The following ASTN1 variants were observed in gnomAD, a reference collection of about 807,000 sequenced individuals.
ASTN1 encodes the protein astrotactin 1.
ASTN1 carries 41 observed loss-of-function variants against 140.7 expected under a neutral mutation model. The ratio of observed to expected loss-of-function variants is 0.29; its 90% CI spans 0.23 to 0.38. The LOEUF (loss-of-function observed/expected upper bound fraction) is 0.38. ASTN1 is among the 10% of genes least tolerant of loss of function. ASTN1 has a pLI of 1.00. For missense variants in ASTN1, 1,479 were observed against 1,678.8 expected (o/e 0.88, Z 2.08); for synonymous variants, 640 against 652.2 (o/e 0.98, Z 0.29).
Position 177,003,342 on chromosome 1 carries a change from C to A in ASTN1, c.1523+11449G>T, listed in dbSNP as rs563424704. 8.0e-5 allele frequency among the ~76,000 whole-genome samples: 12 copies of A among 150,564 alleles called. No homozygotes were observed. In the South Asian group the frequency reaches 8.4e-4, roughly 11 times the overall value. ...GGATGCAGAAATTGTTCAACATATG[C>A]AAGTCAATAAATGTGATTCATCCCA... On this transcript the variant is annotated intron_variant, in intron 8 of 22. Transcript: ENST00000361833.
chr1:177,133,111 C>T (rs945070828), intron 1 of ASTN1, among the ~76,000 whole-genome samples: 1 of 152,224 alleles, frequency 6.6e-6, no homozygotes, highest in Non-Finnish European at 1.5e-5. Context: ...GCTTTTATCA[C>T]ATGTATCACC....
At chr1:177,123,710 T>C (rs1234679782) in intron 1 of ASTN1, among the ~76,000 whole-genome samples, 1 of 152,138 alleles carries the variant, frequency 6.6e-6, no homozygotes, top group Non-Finnish European at 1.5e-5. Flanking sequence ...AGACTTTCTC[T>C]ACAGACAGCA....
chr1:177,059,750 T>C (rs1214813893), intron 2 of ASTN1, among the ~76,000 whole-genome samples: 1 of 152,208 alleles, frequency 6.6e-6, no homozygotes, highest in Non-Finnish European at 1.5e-5. Context: ...ATGTCTAAAA[T>C]GCACTCAGTT....
rs1165947619 is a variant in ASTN1 at position 176,879,485 on chromosome 1, T to G, written c.3363-2848A>C. Among the ~76,000 whole-genome samples, 3 of 152,170 alleles carry G rather than the reference T, an allele frequency of 2.0e-5. No individual in the cohort carries two copies. The East Asian group carries it at 5.8e-4, about 29-fold the overall frequency. The stretch of plus-strand genomic sequence containing the variant: ...CATTCCTTAACCCTGGACCCTTAAT[T>G]TCTAAGTGTCCTTGGACTATAATGA... On this transcript the variant is annotated intron_variant, in intron 20 of 22. Transcript: ENST00000361833.
chr1:176,881,397 C>A (rs1571450725), intron 20 of ASTN1, among the ~76,000 whole-genome samples: 1 of 152,162 alleles, frequency 6.6e-6, no homozygotes, highest in South Asian at 2.1e-4. Context: ...GTAATGGCTG[C>A]ACTCCTAATA....
At chr1:176,868,342 C>G (rs1026897237) in intron 22 of ASTN1, among the ~76,000 whole-genome samples, 1 of 152,184 alleles carries the variant, frequency 6.6e-6, no homozygotes, top group African/African-American at 2.4e-5. Context: ...TTAGCACACA[C>G]TATGCGACCC....
intron 8 of ASTN1, among the ~76,000 whole-genome samples, chr1:177,013,221 C>G (rs1220807104): frequency 6.6e-6 from 1 of 152,292 alleles, no homozygotes; most frequent in Non-Finnish European, 1.5e-5. Context: ...TCTGCCAAAA[C>G]TGAGCAATCC....
intron 8 of ASTN1, 33 bp from the exon 9 acceptor site, chr1:176,965,270 A>T: frequency 6.2e-7 from 1 of 1,608,286 alleles, no homozygotes; most frequent in Non-Finnish European, 8.5e-7. Context: ...ATTAAATTCA[A>T]CTCAACAAAT....
intron 14 of ASTN1, among the ~76,000 whole-genome samples, chr1:176,938,021 GA>G (rs1200817921): frequency 1.3e-5 from 2 of 152,160 alleles, no homozygotes; most frequent in Non-Finnish European, 1.5e-5. Flanking sequence ...AAAAGGTCAG[GA>G]AAGGTGCTTA....
intron 1 of ASTN1, among the ~76,000 whole-genome samples, chr1:177,160,453 C>G (rs550337105): frequency 1.3e-5 from 2 of 152,342 alleles, no homozygotes; most frequent in South Asian, 2.1e-4. Flanking sequence ...AAAGCCATGA[C>G]AGCTAAAGCA....
intron 1 of ASTN1, among the ~76,000 whole-genome samples, chr1:177,155,093 GA>G: frequency 1.3e-5 from 2 of 152,258 alleles, no homozygotes; most frequent in Admixed American, 1.3e-4. Flanking sequence ...TGATATTAAG[GA>G]AAAGAGGCAA....
At chr1:177,030,591 C>T (rs1425170194) in intron 4 of ASTN1, among the ~76,000 whole-genome samples, 1 of 152,186 alleles carries the variant, frequency 6.6e-6, no homozygotes, top group Non-Finnish European at 1.5e-5. Context: ...CCAATTATTT[C>T]CTAAGAATAG....
intron 2 of ASTN1, among the ~76,000 whole-genome samples, chr1:177,041,558 T>C (rs945129109): frequency 6.6e-6 from 1 of 152,158 alleles, no homozygotes; most frequent in African/African-American, 2.4e-5. Flanking sequence ...TAAATAAATA[T>C]CGCCAGCTGG....
At chr1:177,000,077 G>T (rs956404693) in intron 8 of ASTN1, among the ~76,000 whole-genome samples, 1 of 152,128 alleles carries the variant, frequency 6.6e-6, no homozygotes, top group Non-Finnish European at 1.5e-5. Flanking sequence ...AAGATTCAAA[G>T]GATTTCAATG....
At position 176,958,384 on chromosome 1, in the gene ASTN1, T is replaced by C; in HGVS notation, c.1697A>G (p.Lys566Arg). 6.2e-7 allele frequency: 1 copy of C among 1,614,132 alleles called. No individual in the cohort carries two copies. Among genetic ancestry groups the C allele is most frequent in the Non-Finnish European group, 8.5e-7 (1 of 1,179,986 alleles). Reference protein sequence around the residue: ...ELAINPSAKCKTDMTVMEDAV... With the variant: ...ELAINPSAKCRTDMTVMEDAV... ...ATCCTCCATCACAGTCATGTCCGTC[T>C]TGCACTTTGCTGATGGATTGATGGC... The change falls in exon 10 of 23, where the codon AAG becomes AGG. Residue 566 changes from lysine to arginine, a missense_variant. By Grantham distance (26) the Lys-to-Arg change is conservative. Transcript: ENST00000361833.
chr1:176,890,299 G>A (rs1015717387), intron 17 of ASTN1, among the ~76,000 whole-genome samples: 3 of 152,238 alleles, frequency 2.0e-5, no homozygotes, highest in Non-Finnish European at 4.4e-5. Flanking sequence ...GTACGCGGAG[G>A]CCTCTATGAG....
At chr1:176,949,071 A>G (rs573391069) in intron 12 of ASTN1, 114 bp downstream of exon 12, 1 of 1,407,902 alleles carries the variant, frequency 7.1e-7, no homozygotes, top group East Asian at 2.3e-5. Flanking sequence ...TTCCTCAGAG[A>G]CTAAGGGATG....
At chr1:176,970,462 G>C (rs1356721455) in intron 8 of ASTN1, among the ~76,000 whole-genome samples, 1 of 152,142 alleles carries the variant, frequency 6.6e-6, no homozygotes, top group African/African-American at 2.4e-5. Context: ...TGTGGCACTT[G>C]GAAACAGAGC....
chr1:176,989,279 C>A (rs1257527514), intron 8 of ASTN1, among the ~76,000 whole-genome samples: 3 of 152,156 alleles, frequency 2.0e-5, no homozygotes, highest in African/African-American at 7.2e-5. Context: ...TTTAGGCATT[C>A]AATTTATTCT....
Sources: allele counts gnomAD v4.1 joint callset (sites outside exome capture counted in the v4.1 genomes callset), GRCh38; gene constraint gnomAD v4.1.1; transcripts MANE v1.5; gene names NCBI Gene and HGNC (gene_info 2026-07-23, HGNC 2026-07-21).